The following HSD17B4 variants were observed in gnomAD, a reference collection of about 807,000 sequenced individuals.
HSD17B4 encodes peroxisomal multifunctional enzyme type 2.
HSD17B4 carries 70 observed loss-of-function variants against 101.0 expected under a neutral mutation model. The ratio of observed to expected loss-of-function variants is 0.69; its 90% CI spans 0.57 to 0.85. The LOEUF is 0.85. Ranked by LOEUF, HSD17B4 falls within the 40% of genes least tolerant of loss-of-function variation. The pLI is 0.00. For synonymous variants in HSD17B4, 347 were observed against 297.1 expected (o/e 1.17, Z -1.73); for missense variants, 984 against 892.4 (o/e 1.10, Z -1.31).
At position 119,493,914 on chromosome 5, in the gene HSD17B4, T is replaced by C; in HGVS notation, c.836T>C (p.Phe279Ser). 1.9e-6 allele frequency: 3 copies of C among 1,613,398 alleles called. No individual in the cohort carries two copies. Among genetic ancestry groups the C allele is most frequent in the Non-Finnish European group, 2.5e-6 (3 of 1,179,502 alleles). ...GCTAACTGGAAGAAGATCTGTGACT[T>C]TGAGAATGCCAGCAAGCCTCAGAGT... ...VKANWKKICD[F>S]ENASKPQSIQ... The change falls in exon 11 of 24, where the codon TTT becomes TCT. Residue 279 changes from phenylalanine (F) to serine (S), a missense_variant. By Grantham distance (155) the Phe-to-Ser change is radical (BLOSUM62 -2). Transcript: ENST00000510025.
intron 16 of HSD17B4, among the ~76,000 whole-genome samples, chr5:119,512,672 ATT>A (rs1292448503): frequency 6.6e-6 from 1 of 152,232 alleles, no homozygotes; most frequent in Non-Finnish European, 1.5e-5. Context: ...AACTGAGAGA[ATT>A]TGTTGTTAGC....
intron 11 of HSD17B4, chr5:119,495,758 C>T (rs553970264): frequency 1.9e-3 from 346 of 182,408 alleles, no homozygotes; most frequent in African/African-American, 7.9e-3. Flanking sequence ...ACAACCTCTG[C>T]CCCTTGGGTT....
chr5:119,459,952 G>T (rs1490990229), intron 2 of HSD17B4, among the ~76,000 whole-genome samples: 4 of 150,146 alleles, frequency 2.7e-5, no homozygotes, highest in East Asian at 3.9e-4. Context: ...CTCACTGCAA[G>T]CTCCACCTCC....
In HSD17B4 at chr5:119,494,080, C is replaced by G. The variant is rs1424391872; in HGVS notation, c.868+134C>G. The stretch of plus-strand genomic sequence containing the variant: ...AATCGTCTATAGCATATTTTCTGCT[C>G]TAGTAGGTATTAGAATTCTTCACAT... On this transcript the variant is annotated intron_variant, in intron 11 of 23. Transcript: ENST00000510025. 5 of 829,152 alleles carry G rather than the reference C, an allele frequency of 6.0e-6. 1 individual carries two copies. In the African/African-American group the frequency reaches 8.4e-5, roughly 14 times the overall value. 51.4% of individuals were successfully genotyped at this position (829,152 alleles called of 1,614,324 possible). A position where few individuals can be genotyped will look rare whatever the true frequency, so the allele number is the denominator to read the frequency against.
At chr5:119,453,865 C>T (rs1454420929) in intron 1 of HSD17B4, among the ~76,000 whole-genome samples, 3 of 152,184 alleles carry the variant, frequency 2.0e-5, no homozygotes, top group Non-Finnish European at 4.4e-5. Flanking sequence ...TATTTTACAA[C>T]GCTTGGTGTT....
intron 22 of HSD17B4, among the ~76,000 whole-genome samples, chr5:119,534,966 CT>C (rs33948978): frequency 0.58 from 87,861 of 151,766 alleles, 25,655 homozygotes; most frequent in African/African-American, 0.64. Flanking sequence ...TCATTTTGTA[CT>C]TTTTTTTGTT....
intron 8 of HSD17B4, among the ~76,000 whole-genome samples, chr5:119,481,681 A>G (rs1255962825): frequency 6.6e-6 from 1 of 152,170 alleles, no homozygotes; most frequent in African/African-American, 2.4e-5. Context: ...GCCAGTATGG[A>G]TAAATGGAGT....
intron 22 of HSD17B4, chr5:119,535,834 C>T (rs1333666277): frequency 1.3e-5 from 2 of 152,250 alleles, no homozygotes; most frequent in Non-Finnish European, 2.9e-5. Flanking sequence ...GTAGCATAAA[C>T]AAAAACAGTT....
chr5:119,520,876 A>G (rs1753055644), intron 17 of HSD17B4, among the ~76,000 whole-genome samples: 1 of 152,116 alleles, frequency 6.6e-6, no homozygotes, highest in Non-Finnish European at 1.5e-5. Flanking sequence ...TTCTTGTATA[A>G]CAGTCAAAAG....
Position 119,474,841 on chromosome 5 carries a change from A to C in HSD17B4, c.280+381A>C, listed in dbSNP as rs982014284. Among the ~76,000 whole-genome samples the C allele has an allele frequency of 6.6e-5, 10 of 152,304 alleles. No homozygotes were observed. In the East Asian group the frequency reaches 1.3e-3, roughly 21 times the overall value. On this transcript the variant is annotated intron_variant, in intron 4 of 23. Coordinates refer to ENST00000510025, the MANE Select transcript of HSD17B4 (RefSeq NM_000414.4). Reference sequence around the variant, plus strand: ...ATAATAATTTGGATTAAAATAATCCAATATCTTGCAAATTACTTAAGATGA... The same window carrying C: ...ATAATAATTTGGATTAAAATAATCCCATATCTTGCAAATTACTTAAGATGA...
chr5:119,530,811 C>T (rs1212038659), intron 21 of HSD17B4, among the ~76,000 whole-genome samples: 1 of 126,832 alleles, frequency 7.9e-6, no homozygotes, highest in Non-Finnish European at 1.6e-5. Context: ...CAAGATTGCA[C>T]TACTGCATTC....
chr5:119,507,908 T>C (rs957447866), intron 15 of HSD17B4, among the ~76,000 whole-genome samples: 1 of 152,136 alleles, frequency 6.6e-6, no homozygotes, highest in African/African-American at 2.4e-5. Flanking sequence ...TCAGTGATTT[T>C]GGAACCCAAG....
chr5:119,502,422 T>C (rs760087301), intron 14 of HSD17B4, among the ~76,000 whole-genome samples: 7 of 152,184 alleles, frequency 4.6e-5, no homozygotes, highest in Non-Finnish European at 8.8e-5. Context: ...TTATTGTTCT[T>C]TTCTCAGGTA....
Position 119,502,068 on chromosome 5 carries a change from T to G in HSD17B4, c.1237T>G (p.Leu413Val), listed in dbSNP as rs150536709. The G allele has an allele frequency of 6.2e-7, 1 of 1,604,434 alleles. No homozygotes were observed. Residue 413 changes from leucine (L) to valine (V), a missense_variant, in exon 14 of 24, where the codon TTA becomes GTA. Coordinates refer to ENST00000510025, the MANE Select transcript of HSD17B4 (RefSeq NM_000414.4). ...TCTTCATGGAGAGCAGTACTTAGAG[T>G]TATATAAACCACTTCCCAGAGCAGG... ...KVLHGEQYLELYKPLPRAGKL... is the reference protein window; with the variant it reads ...KVLHGEQYLEVYKPLPRAGKL...
At chr5:119,452,686 C>T in intron 1 of HSD17B4, 53 bp downstream of exon 1, 5 of 1,611,400 alleles carry the variant, frequency 3.1e-6, no homozygotes, top group Non-Finnish European at 4.2e-6. Context: ...CAGCTGGCTG[C>T]TCTTTTCGGG....
intron 12 of HSD17B4, among the ~76,000 whole-genome samples, chr5:119,499,083 GTC>G (rs1410321416): frequency 6.6e-6 from 1 of 152,108 alleles, no homozygotes; most frequent in East Asian, 1.9e-4. Context: ...GAGGCATACT[GTC>G]TGTTAGCAAG....
At chr5:119,471,681 A>T (rs545645799) in intron 2 of HSD17B4, 7 of 1,474,670 alleles carry the variant, frequency 4.7e-6, no homozygotes, top group South Asian at 2.6e-5. Flanking sequence ...TCATTTCACA[A>T]TGCAGATTCT....
chr5:119,456,407 A>G lies in HSD17B4; in HGVS notation c.112+39A>G. 2.6e-6 allele frequency: 3 copies of G among 1,158,308 alleles called. No homozygotes were observed. In the Admixed American group the frequency reaches 5.0e-5, roughly 19 times the overall value. 71.8% of individuals were successfully genotyped at this position (1,158,308 alleles called of 1,614,324 possible). ...TTTTTCTTTTTAATCTGTAGCTGAT[A>G]ACTGAAATACAATCTTTACAAGCTA... On this transcript the variant is annotated intron_variant, in intron 2 of 23. Coordinates refer to ENST00000510025, the MANE Select transcript of HSD17B4 (RefSeq NM_000414.4).
At chr5:119,475,802 C>A (rs1029114170) in intron 5 of HSD17B4, 22 bp from the exon 6 acceptor site, 1 of 1,588,632 alleles carries the variant, frequency 6.3e-7, no homozygotes, top group Admixed American at 1.7e-5. Flanking sequence ...TCCTTTTACC[C>A]TATACAACAT....
Sources: gnomAD v4.1 joint callset for allele counts (sites outside exome capture counted in the v4.1 genomes callset) on GRCh38, gnomAD v4.1.1 for gene constraint, MANE v1.5 for transcripts, NCBI Gene and HGNC (gene_info 2026-07-23, HGNC 2026-07-21) for gene names.